RXFP2: variants seen among roughly 807,000 people sequenced by gnomAD.
RXFP2 encodes the protein relaxin family peptide receptor 2.
A neutral mutation model predicts 88.6 loss-of-function variants in RXFP2; 68 were observed. The observed-to-expected ratio is 0.77, with a 90% CI of 0.63 to 0.94. The LOEUF (loss-of-function observed/expected upper bound fraction) is 0.94. Ranked by LOEUF, RXFP2 falls within the 40% of genes least tolerant of loss-of-function variation. The pLI, the probability that RXFP2 is intolerant of heterozygous loss-of-function variation, is 0.00. For missense variants in RXFP2, 791 were observed against 893.9 expected (o/e 0.88, Z 1.47); for synonymous variants, 329 against 306.8 (o/e 1.07, Z -0.76).
chr13:31,749,203 T>C (rs1195912366), intron 1 of RXFP2, among the ~76,000 whole-genome samples: 1 of 152,240 alleles, frequency 6.6e-6, no homozygotes, highest in Non-Finnish European at 1.5e-5. Context: ...CTATCTAGAA[T>C]TGAGCATCAC....
intron 16 of RXFP2, among the ~76,000 whole-genome samples, chr13:31,796,888 A>C (rs879658319): frequency 2.0e-5 from 3 of 152,222 alleles, no homozygotes. Context: ...AAAATTCCAC[A>C]CCTGAAGCTT....
chr13:31,749,619 A>AT (rs1455698458), intron 1 of RXFP2, among the ~76,000 whole-genome samples: 1 of 152,114 alleles, frequency 6.6e-6, no homozygotes, highest in African/African-American at 2.4e-5. Context: ...TGTCTTGCCC[A>AT]TTTTTTGTTA....
intron 5 of RXFP2, among the ~76,000 whole-genome samples, chr13:31,773,815 T>A (rs1182695607): frequency 6.6e-6 from 1 of 152,186 alleles, no homozygotes; most frequent in East Asian, 1.9e-4. Flanking sequence ...TGTAATAGTT[T>A]AGGAAGCAAT....
chr13:31,770,731 C>T (rs1872704435), intron 5 of RXFP2, among the ~76,000 whole-genome samples: 1 of 152,168 alleles, frequency 6.6e-6, no homozygotes, highest in Admixed American at 6.6e-5. Context: ...GGGTCAACTA[C>T]AATTCTATTT....
Position 31,753,104 on chromosome 13 carries a change from G to A in RXFP2, c.95-5154G>A, listed in dbSNP as rs1050425119. Among the ~76,000 whole-genome samples the A allele has an allele frequency of 2.0e-5, 3 of 152,158 alleles. No homozygotes were observed. In the South Asian group the frequency reaches 6.2e-4, roughly 32 times the overall value. ...CCCCCCTGGAGCCATCGCCCCTGGT[G>A]TTAGAGCCAGAACATCTGGCTGAGA... On this transcript the variant is annotated intron_variant, in intron 1 of 17. Transcript: ENST00000298386.
rs555469724 is a variant in RXFP2 at position 31,779,048 on chromosome 13, T to TCCA, written c.785+470_785+472dup. On this transcript the variant is annotated intron_variant, in intron 9 of 17. Transcript: ENST00000298386. Reference sequence around the variant, plus strand: ...CCACACATTACATCATCTACAAAACTCCACCACACTGCCCTGTCTCAGGGT... The same window carrying TCCA: ...CCACACATTACATCATCTACAAAACTCCACCACCACACTGCCCTGTCTCAGGGT... 3.3e-3 allele frequency among the ~76,000 whole-genome samples: 504 copies of TCCA among 151,016 alleles called. 6 individuals are homozygous for TCCA. The highest frequency in any genetic ancestry group is 0.011 in the African/African-American group (460 of 41,090).
At chr13:31,777,952 T>C (rs1873074199) in intron 8 of RXFP2, among the ~76,000 whole-genome samples, 1 of 152,200 alleles carries the variant, frequency 6.6e-6, no homozygotes, top group Non-Finnish European at 1.5e-5. Flanking sequence ...GGGATTATTA[T>C]ATTCCTTTAC....
In RXFP2 at chr13:31,758,233, T is replaced by A. The variant is rs772869774; in HGVS notation, c.95-25T>A. 1.9e-6 allele frequency: 3 copies of A among 1,614,008 alleles called. No homozygotes were observed. The South Asian group carries it at 3.3e-5, about 18-fold the overall frequency. On this transcript the variant is annotated intron_variant, in intron 1 of 17. Transcript: ENST00000298386. Reference sequence around the variant, plus strand: ...AGAGAGCTTGGCCATGGTAACACTTTGTTTTTGCCCCTTCTTTCATGTAGA... The same window carrying A: ...AGAGAGCTTGGCCATGGTAACACTTAGTTTTTGCCCCTTCTTTCATGTAGA...
At chr13:31,739,772 T>G (rs944123120) in intron 1 of RXFP2, 66 bp downstream of exon 1, 2 of 1,014,486 alleles carry the variant, frequency 2.0e-6, no homozygotes, top group African/African-American at 3.2e-5. Context: ...TATGTAGTTC[T>G]ATGGCAGTTG....
At chr13:31,797,571 T>A (rs946504879) in intron 17 of RXFP2, 152 bp downstream of exon 17, 1 of 684,108 alleles carries the variant, frequency 1.5e-6, no homozygotes, top group African/African-American at 1.8e-5. Flanking sequence ...TATTATAAAA[T>A]AGAAACTGAG....
rs191688039 is a variant in RXFP2, at chr13:31,798,409, C to A, written c.2005+990C>A. 8.5e-5 allele frequency among the ~76,000 whole-genome samples: 13 copies of A among 152,316 alleles called. No individual in the cohort carries two copies. The East Asian group carries it at 2.5e-3, about 29-fold the overall frequency. On this transcript the variant is annotated intron_variant, in intron 17 of 17. Coordinates refer to ENST00000298386, the MANE Select transcript of RXFP2 (RefSeq NM_130806.5). ...AATTAGGAAGGAGATCAGGTCAGGG[C>A]TGAATACTTGGAAGCCTTTGCTGGG...
intron 17 of RXFP2, among the ~76,000 whole-genome samples, chr13:31,799,205 C>G (rs1874206665): frequency 6.9e-6 from 1 of 145,738 alleles, no homozygotes; most frequent in African/African-American, 2.5e-5. Flanking sequence ...CCACTACTGT[C>G]TCCACACTTT....
At chr13:31,758,709 T>G (rs1346573937) in intron 2 of RXFP2, among the ~76,000 whole-genome samples, 1 of 152,152 alleles carries the variant, frequency 6.6e-6, no homozygotes, top group African/African-American at 2.4e-5. Context: ...TATGAATACC[T>G]CCTTATGGCT....
chr13:31,781,018 G>T (rs1028254251), intron 9 of RXFP2, among the ~76,000 whole-genome samples: 7 of 152,214 alleles, frequency 4.6e-5, no homozygotes, highest in African/African-American at 1.4e-4. Context: ...GAAAGAGCCT[G>T]CACTTTGGCA....
chr13:31,765,864 T>A (rs1872527450), intron 4 of RXFP2, 92 bp from the exon 5 acceptor site: 1 of 713,688 alleles, frequency 1.4e-6, no homozygotes, highest in South Asian at 1.6e-5. Flanking sequence ...ATGAACGTCA[T>A]CAAATATTCT....
chr13:31,740,106 T>C (rs1871171075), intron 1 of RXFP2, among the ~76,000 whole-genome samples: 1 of 152,114 alleles, frequency 6.6e-6, no homozygotes. Flanking sequence ...TTAGTAACTA[T>C]CTTGCGTGAA....
At chr13:31,779,729 T>A (rs1324832573) in intron 9 of RXFP2, among the ~76,000 whole-genome samples, 1 of 152,178 alleles carries the variant, frequency 6.6e-6, no homozygotes, top group Admixed American at 6.5e-5. Context: ...ATCATGGAAC[T>A]CAAGACCCAT....
chr13:31,771,510 G>T (rs752284985), intron 5 of RXFP2, among the ~76,000 whole-genome samples: 7 of 152,086 alleles, frequency 4.6e-5, no homozygotes, highest in Non-Finnish European at 8.8e-5. Context: ...AGAAAAATTG[G>T]CCAGGCACAG....
intron 9 of RXFP2, among the ~76,000 whole-genome samples, chr13:31,780,634 A>G (rs1372288098): frequency 6.6e-6 from 1 of 152,222 alleles, no homozygotes; most frequent in South Asian, 2.1e-4. Flanking sequence ...GAACACTGTA[A>G]GAAGCTGACT....
Sources: allele counts gnomAD v4.1 joint callset (sites outside exome capture counted in the v4.1 genomes callset), GRCh38; gene constraint gnomAD v4.1.1; transcripts MANE v1.5; gene names NCBI Gene and HGNC (gene_info 2026-07-23, HGNC 2026-07-21).